Variants in SH3RF1 observed in about 807,000 individuals in gnomAD.
SH3RF1 encodes the protein E3 ubiquitin-protein ligase SH3RF1.
SH3RF1 carries 32 observed loss-of-function variants against 74.0 expected under a neutral mutation model. The observed-to-expected ratio is 0.43, with a 90% CI of 0.33 to 0.58. The LOEUF (loss-of-function observed/expected upper bound fraction) is 0.58, where lower values mean the gene tolerates loss of function less well. SH3RF1 is among the 20% of genes least tolerant of loss of function. The probability of loss-of-function intolerance (pLI) is 0.05; values close to 1 mark genes in which losing one functional copy is unlikely to be tolerated. For synonymous variants in SH3RF1, 396 were observed against 439.6 expected (o/e 0.90, Z 1.24); for missense variants, 954 against 1,130.9 (o/e 0.84, Z 2.24).
At chr4:169,238,275 G>A (rs967351410) in intron 2 of SH3RF1, among the ~76,000 whole-genome samples, 4 of 152,146 alleles carry the variant, frequency 2.6e-5, no homozygotes, top group Admixed American at 6.6e-5. Flanking sequence ...TTAATACTCC[G>A]CACAGCAGGG....
intron 8 of SH3RF1, among the ~76,000 whole-genome samples, chr4:169,119,278 A>ATTTTTTTT (rs11397253): frequency 1.4e-4 from 9 of 66,390 alleles, no homozygotes; most frequent in African/African-American, 1.8e-4. Flanking sequence ...TAATTTTTGT[A>ATTTTTTTT]TTTTTTTTTT....
chr4:169,141,812 CTTT>C (rs35864108), intron 4 of SH3RF1, among the ~76,000 whole-genome samples: 9 of 118,518 alleles, frequency 7.6e-5, no homozygotes, highest in Non-Finnish European at 1.1e-4. Context: ...CTAATTTTTG[CTTT>C]TTTTTTTTTT....
intron 6 of SH3RF1, 151 bp from the exon 7 acceptor site, chr4:169,122,417 T>C (rs1733457035): frequency 1.1e-6 from 1 of 878,004 alleles, no homozygotes; most frequent in African/African-American, 1.7e-5. Context: ...GCAGGCTAAC[T>C]GATATGAAAG....
intron 6 of SH3RF1, among the ~76,000 whole-genome samples, chr4:169,124,845 C>A (rs1355725568): frequency 6.6e-6 from 1 of 152,150 alleles, no homozygotes; most frequent in African/African-American, 2.4e-5. Context: ...GTGCTTCAGG[C>A]AGTTTGCTGT....
At chr4:169,248,188 C>T (rs1447084911) in intron 2 of SH3RF1, among the ~76,000 whole-genome samples, 2 of 152,124 alleles carry the variant, frequency 1.3e-5, no homozygotes, top group East Asian at 1.9e-4. Flanking sequence ...CACATGCACA[C>T]GTATGTTTAC....
In SH3RF1 at chr4:169,270,910, G is replaced by T. The variant is rs1263294247; in HGVS notation, c.-147C>A. On this transcript the variant is annotated 5_prime_UTR_variant, in exon 1 of 12. Coordinates refer to ENST00000284637, the MANE Select transcript of SH3RF1 (RefSeq NM_020870.4). ...TCGCGGCCCCGCAGCGGCTGCGGCG[G>T]CTGATGCAGATGCGGCCCCACCGCG... The T allele has an allele frequency of 6.6e-6, 1 of 151,978 alleles. No homozygotes were observed. Among genetic ancestry groups the T allele is most frequent in the Admixed American group, 6.5e-5 (1 of 15,268 alleles). 9.4% of individuals were successfully genotyped at this position (151,978 alleles called of 1,614,324 possible).
intron 2 of SH3RF1, among the ~76,000 whole-genome samples, chr4:169,192,934 T>C (rs560640164): frequency 6.9e-6 from 1 of 144,036 alleles, no homozygotes; most frequent in Admixed American, 7.1e-5. Context: ...TATATATATA[T>C]GATGGAATAC....
chr4:169,221,953 G>A (rs1730571662), intron 2 of SH3RF1, among the ~76,000 whole-genome samples: 1 of 152,102 alleles, frequency 6.6e-6, no homozygotes, highest in South Asian at 2.1e-4. Context: ...ACTTCTCAAA[G>A]TAAGTCTTCG....
intron 10 of SH3RF1, among the ~76,000 whole-genome samples, chr4:169,107,554 C>T (rs1733167409): frequency 6.6e-6 from 1 of 152,116 alleles, no homozygotes; most frequent in South Asian, 2.1e-4. Flanking sequence ...TAAAACTCAC[C>T]CAACTCACAT....
At chr4:169,200,676 T>A (rs887313033) in intron 2 of SH3RF1, among the ~76,000 whole-genome samples, 1 of 152,200 alleles carries the variant, frequency 6.6e-6, no homozygotes, top group African/African-American at 2.4e-5. Context: ...TGTGAACAGT[T>A]CAACTACGTG....
At chr4:169,099,675 T>C (rs961128251) in intron 11 of SH3RF1, among the ~76,000 whole-genome samples, 1 of 152,172 alleles carries the variant, frequency 6.6e-6, no homozygotes, top group East Asian at 1.9e-4. Context: ...AAAATGGTTA[T>C]TGAAAAACTT....
chr4:169,192,596 A>G (rs1483104911), intron 2 of SH3RF1, among the ~76,000 whole-genome samples: 1 of 152,098 alleles, frequency 6.6e-6, no homozygotes, highest in African/African-American at 2.4e-5. Flanking sequence ...TAAAGAACTA[A>G]AAGTAGAATT....
chr4:169,097,959 C>T (rs952111572), intron 11 of SH3RF1, among the ~76,000 whole-genome samples: 2 of 152,224 alleles, frequency 1.3e-5, no homozygotes, highest in African/African-American at 4.8e-5. Context: ...TTCCAAAAGC[C>T]TAAACTAACC....
intron 2 of SH3RF1, among the ~76,000 whole-genome samples, chr4:169,162,443 A>G (rs1004161389): frequency 6.6e-6 from 1 of 152,246 alleles, no homozygotes; most frequent in Non-Finnish European, 1.5e-5. Flanking sequence ...TGAGAATCCC[A>G]TAATTCCACA....
At chr4:169,202,496 T>G (rs1734927420) in intron 2 of SH3RF1, among the ~76,000 whole-genome samples, 1 of 152,228 alleles carries the variant, frequency 6.6e-6, no homozygotes, top group African/African-American at 2.4e-5. Context: ...GGGATGTGGT[T>G]CCTTTTAAAG....
chr4:169,132,921 C>T (rs562161261), intron 5 of SH3RF1, among the ~76,000 whole-genome samples: 10 of 152,238 alleles, frequency 6.6e-5, no homozygotes, highest in Admixed American at 4.6e-4. Flanking sequence ...TCTGATCTGG[C>T]GACCCACCTG....
chr4:169,233,607 A>T (rs1189795858), intron 2 of SH3RF1, among the ~76,000 whole-genome samples: 2 of 152,210 alleles, frequency 1.3e-5, no homozygotes, highest in Non-Finnish European at 2.9e-5. Context: ...ATAAAAAACA[A>T]ATGTGGTTGT....
At chr4:169,109,321 C>T (rs17658514) in intron 10 of SH3RF1, among the ~76,000 whole-genome samples, 5,599 of 152,258 alleles carry the variant, frequency 0.037, 116 homozygotes, top group African/African-American at 0.053. Context: ...GATAACTCAA[C>T]GGCACTCAGG....
chr4:169,260,024 A>G (rs952817277), intron 2 of SH3RF1, among the ~76,000 whole-genome samples: 1 of 152,110 alleles, frequency 6.6e-6, no homozygotes, highest in African/African-American at 2.4e-5. Flanking sequence ...TAGAGAGGGG[A>G]TAGATTAATA....
Sources: allele counts gnomAD v4.1 joint callset (sites outside exome capture counted in the v4.1 genomes callset), GRCh38; gene constraint gnomAD v4.1.1; transcripts MANE v1.5; gene names NCBI Gene and HGNC (gene_info 2026-07-23, HGNC 2026-07-21).